Variants in GRM4 observed in about 807,000 individuals in gnomAD.
The protein encoded by GRM4 is metabotropic glutamate receptor 4.
GRM4 carries 28 observed loss-of-function variants against 81.7 expected under a neutral mutation model. The ratio of observed to expected loss-of-function variants is 0.34; its 90% CI spans 0.25 to 0.47. The LOEUF (loss-of-function observed/expected upper bound fraction) is 0.47. Among genes scored for constraint, GRM4 ranks in the 20% least tolerant of loss-of-function variants. The pLI is 1.00. For missense variants in GRM4, 948 were observed against 1,290.0 expected (o/e 0.73, Z 4.06); for synonymous variants, 488 against 528.8 (o/e 0.92, Z 1.06).
intron 2 of GRM4, among the ~76,000 whole-genome samples, chr6:34,125,004 C>T (rs1465347531): frequency 2.0e-5 from 3 of 152,044 alleles, no homozygotes; most frequent in East Asian, 1.9e-4. Flanking sequence ...GACATAGTCT[C>T]GCTCTGTCGC....
intron 2 of GRM4, chr6:34,103,567 T>C: frequency 6.6e-7 from 1 of 1,522,650 alleles, no homozygotes; most frequent in Non-Finnish European, 8.8e-7. Context: ...TGTAGATCAA[T>C]AAATTATACT....
At chr6:34,124,390 G>A (rs973721789) in intron 2 of GRM4, among the ~76,000 whole-genome samples, 28 of 152,150 alleles carry the variant, frequency 1.8e-4, no homozygotes, top group African/African-American at 5.8e-4. Flanking sequence ...CCTCCCATGC[G>A]GCTCTCCAGC....
chr6:34,147,374 GCTGCCCAGCAGCT>G (rs1264197661), upstream of GRM4, among the ~76,000 whole-genome samples: 2 of 152,202 alleles, frequency 1.3e-5, no homozygotes, highest in Admixed American at 1.3e-4. Flanking sequence ...GAAAGTTCCT[GCTGCCCAGCAGCT>G]CTGCCCAGCC....
chr6:34,057,127 C>T (rs1765937007), intron 5 of GRM4, among the ~76,000 whole-genome samples: 1 of 152,154 alleles, frequency 6.6e-6, no homozygotes. Context: ...AGGACCTGGA[C>T]CTTCTTCCTT....
chr6:34,119,411 G>A (rs540247239), intron 2 of GRM4, among the ~76,000 whole-genome samples: 1 of 151,674 alleles, frequency 6.6e-6, no homozygotes, highest in South Asian at 2.1e-4. Context: ...GAAAGAGAGA[G>A]AGGGAGTGAG....
chr6:34,126,861 G>A (rs901768556), intron 2 of GRM4, among the ~76,000 whole-genome samples: 9 of 152,216 alleles, frequency 5.9e-5, no homozygotes, highest in Non-Finnish European at 1.3e-4. Context: ...GAGCCTAGCG[G>A]GGGCCAGCTC....
intron 2 of GRM4, among the ~76,000 whole-genome samples, chr6:34,107,952 G>A (rs986132058): frequency 6.6e-6 from 1 of 152,196 alleles, no homozygotes; most frequent in African/African-American, 2.4e-5. Flanking sequence ...AAAAACACAA[G>A]GGCCTGGAGC....
intron 1 of GRM4, among the ~76,000 whole-genome samples, chr6:34,141,249 G>A (rs989754634): frequency 1.3e-5 from 2 of 152,134 alleles, no homozygotes; most frequent in Non-Finnish European, 2.9e-5. Context: ...GAGAGCAGCT[G>A]TCCAGGCTCT....
At chr6:34,116,608 C>A (rs1207454620) in intron 2 of GRM4, among the ~76,000 whole-genome samples, 2 of 152,182 alleles carry the variant, frequency 1.3e-5, no homozygotes, top group Non-Finnish European at 2.9e-5. Flanking sequence ...TGATTGGCAG[C>A]ACCTCCTAAA....
chr6:34,065,710 G>A (rs889745364), intron 3 of GRM4, among the ~76,000 whole-genome samples: 8 of 152,172 alleles, frequency 5.3e-5, no homozygotes, highest in South Asian at 2.1e-4. Flanking sequence ...TCTGCTCGCC[G>A]GCCAGGGGCA....
chr6:34,019,297 C>G lies in GRM4; in HGVS notation c.*3524G>C, dbSNP rs1414469825. 1.3e-5 allele frequency: 2 copies of G among 152,280 alleles called. No homozygotes were observed. Among genetic ancestry groups the G allele is most frequent in the African/African-American group, 2.4e-5 (1 of 41,462 alleles). The allele number at this position is 152,280 out of a possible 1,614,324, so 9.4% of individuals were successfully genotyped here. A position where few individuals can be genotyped will look rare whatever the true frequency, so the allele number is the denominator to read the frequency against. On this transcript the variant is annotated 3_prime_UTR_variant, in exon 11 of 11. Coordinates refer to ENST00000538487, the MANE Select transcript of GRM4 (RefSeq NM_000841.4). Reference sequence around the variant, plus strand: ...GTCCTAGGAGTTCCACAAAGGTGCCCTGTGCATCCAGCTGGCCTGGAAGCT... The same window carrying G: ...GTCCTAGGAGTTCCACAAAGGTGCCGTGTGCATCCAGCTGGCCTGGAAGCT...
At chr6:34,151,460 A>G (rs1771044307) in intron 1 of GRM4, among the ~76,000 whole-genome samples, 1 of 152,166 alleles carries the variant, frequency 6.6e-6, no homozygotes, top group East Asian at 1.9e-4. Flanking sequence ...TGTCATTAGC[A>G]TGGATGTCAC....
At chr6:34,108,845 C>G (rs1246996247) in intron 2 of GRM4, among the ~76,000 whole-genome samples, 3 of 152,148 alleles carry the variant, frequency 2.0e-5, no homozygotes, top group African/African-American at 7.2e-5. Flanking sequence ...ACCAGCCCCC[C>G]ATCCCTGCCT....
At chr6:34,050,026 C>T (rs1765535050) in intron 6 of GRM4, among the ~76,000 whole-genome samples, 1 of 152,180 alleles carries the variant, frequency 6.6e-6, no homozygotes, top group Non-Finnish European at 1.5e-5. Context: ...AAAACTAAAT[C>T]CTTACAAACT....
intron 7 of GRM4, 47 bp downstream of exon 7, chr6:34,040,501 T>C: frequency 6.5e-7 from 1 of 1,545,660 alleles, no homozygotes; most frequent in Non-Finnish European, 8.9e-7. Context: ...CCCTCGGGCA[T>C]GGCCCAGGAT....
intron 2 of GRM4, among the ~76,000 whole-genome samples, chr6:34,108,208 C>T (rs911891566): frequency 1.3e-5 from 2 of 152,258 alleles, no homozygotes; most frequent in Non-Finnish European, 2.9e-5. Context: ...TTCTAACTCA[C>T]CGCATGACCT....
chr6:34,119,350 C>T (rs1343716046), intron 2 of GRM4, among the ~76,000 whole-genome samples: 1 of 152,132 alleles, frequency 6.6e-6, no homozygotes, highest in African/African-American at 2.4e-5. Context: ...GAGCTGAGAT[C>T]GCACCACTGC....
At chr6:34,126,343 G>A (rs887446293) in intron 2 of GRM4, among the ~76,000 whole-genome samples, 3 of 152,194 alleles carry the variant, frequency 2.0e-5, no homozygotes, top group Non-Finnish European at 4.4e-5. Flanking sequence ...CTGGCACAGG[G>A]TAAGTGCTAT....
At position 34,089,926 on chromosome 6, in the gene GRM4, C is replaced by G. The variant is rs1176200658; in HGVS notation, c.736+1957G>C. Among the ~76,000 whole-genome samples, 1 of 152,144 alleles carries G rather than the reference C, an allele frequency of 6.6e-6. No homozygotes were observed. The highest frequency in any genetic ancestry group is 1.9e-4 in the East Asian group (1 of 5,188). ...GCCCATGTGGGTCTCAGTGAGCACG[C>G]AAATGACAGAAGACAGAGAAGACAA... On this transcript the variant is annotated intron_variant, in intron 3 of 10. Transcript: ENST00000538487. This position sits in a 1 kb window ranked among gnomAD's most constrained non-coding sequence, Gnocchi z 4.3.
Sources: gnomAD v4.1 joint callset for allele counts (sites outside exome capture counted in the v4.1 genomes callset) on GRCh38, gnomAD v4.1.1 for gene constraint, Gnocchi (gnomAD v3.1) non-coding constraint, MANE v1.5 for transcripts, NCBI Gene and HGNC (gene_info 2026-07-23, HGNC 2026-07-21) for gene names.